The following LNX2 variants were observed in gnomAD, a reference collection of about 807,000 sequenced individuals.
The protein encoded by LNX2 is ligand of Numb protein X 2.
Under a neutral mutation model 66.2 loss-of-function variants are expected in LNX2, and 35 were observed. The observed-to-expected ratio is 0.53, with a 90% CI of 0.40 to 0.70. The LOEUF (loss-of-function observed/expected upper bound fraction) is 0.70. Ranked by LOEUF, LNX2 falls within the 30% of genes least tolerant of loss-of-function variation. LNX2 has a pLI of 0.00. For synonymous variants in LNX2, 337 were observed against 315.6 expected (o/e 1.07, Z -0.72); for missense variants, 791 against 850.8 (o/e 0.93, Z 0.87).
intron 6 of LNX2, among the ~76,000 whole-genome samples, chr13:27,558,628 A>T (rs1955092027): frequency 1.3e-5 from 2 of 152,106 alleles, no homozygotes; most frequent in Non-Finnish European, 2.9e-5. Context: ...TAAAGCAAGG[A>T]CTAGCTATAT....
Position 27,548,097 on chromosome 13 carries a change from T to C in LNX2, c.*238A>G, listed in dbSNP as rs779753649. The stretch of plus-strand genomic sequence containing the variant: ...TAGGTAACATTTTAACAACTAAGTC[T>C]GAATTCTGAAAATATAAACTCACAA... On this transcript the variant is annotated 3_prime_UTR_variant, in exon 10 of 10. Transcript: ENST00000316334. 72 of 473,676 alleles carry C rather than the reference T, an allele frequency of 1.5e-4. 1 individual carries two copies. The highest frequency in any genetic ancestry group is 2.4e-4 in the Non-Finnish European group (65 of 266,782). 29.3% of individuals were successfully genotyped at this position (473,676 alleles called of 1,614,324 possible).
intron 2 of LNX2, among the ~76,000 whole-genome samples, chr13:27,580,240 G>T (rs943189685): frequency 6.6e-6 from 1 of 152,046 alleles, no homozygotes; most frequent in African/African-American, 2.4e-5. Context: ...GAACAGTAAA[G>T]CTTGAGTCTA....
At chr13:27,587,541 T>G (rs935102911) in intron 1 of LNX2, among the ~76,000 whole-genome samples, 1 of 152,176 alleles carries the variant, frequency 6.6e-6, no homozygotes, top group African/African-American at 2.4e-5. Context: ...TATTGTGCAT[T>G]TGTGGCACTT....
intron 3 of LNX2, 31 bp from the exon 4 acceptor site, chr13:27,567,870 C>T (rs749896870): frequency 1.3e-6 from 2 of 1,579,184 alleles, no homozygotes; most frequent in Admixed American, 3.3e-5. Context: ...CAGACAAAAA[C>T]AGATGTTAAA....
intron 6 of LNX2, among the ~76,000 whole-genome samples, chr13:27,559,143 T>A (rs1264185701): frequency 6.6e-6 from 1 of 152,130 alleles, no homozygotes; most frequent in Non-Finnish European, 1.5e-5. Flanking sequence ...AATGCTAAAG[T>A]ATCATCCTTT....
At chr13:27,592,117 G>A (rs1955551476) in intron 1 of LNX2, among the ~76,000 whole-genome samples, 1 of 152,130 alleles carries the variant, frequency 6.6e-6, no homozygotes, top group Non-Finnish European at 1.5e-5. Context: ...AAAAACTTTG[G>A]TTTTTACTCT....
At chr13:27,567,603 A>G (rs1955222370) in intron 4 of LNX2, 37 bp downstream of exon 4, 1 of 1,580,446 alleles carries the variant, frequency 6.3e-7, no homozygotes. Context: ...GAATGGAACA[A>G]AAAGGCACAA....
chr13:27,551,514 A>C (rs1327985606), intron 8 of LNX2, among the ~76,000 whole-genome samples: 3 of 151,882 alleles, frequency 2.0e-5, no homozygotes, highest in South Asian at 2.1e-4. Flanking sequence ...GGAAAAAAAA[A>C]CTCTTCATAA....
chr13:27,556,923 G>A (rs1955068403), intron 6 of LNX2, among the ~76,000 whole-genome samples: 1 of 152,160 alleles, frequency 6.6e-6, no homozygotes, highest in Non-Finnish European at 1.5e-5. Flanking sequence ...TCATGAAGAA[G>A]ATGCAAATCT....
At chr13:27,586,844 T>C (rs1955492500) in intron 1 of LNX2, among the ~76,000 whole-genome samples, 1 of 152,208 alleles carries the variant, frequency 6.6e-6, no homozygotes, top group Admixed American at 6.5e-5. Context: ...GGCGGGATTA[T>C]TACAACACAT....
intron 4 of LNX2, 27 bp from the exon 5 acceptor site, chr13:27,562,808 T>C (rs1955153605): frequency 1.3e-6 from 2 of 1,579,098 alleles, no homozygotes; most frequent in South Asian, 1.2e-5. Flanking sequence ...GTGACCGAAG[T>C]GTGACAACCT....
At chr13:27,588,007 C>A (rs547635117) in intron 1 of LNX2, among the ~76,000 whole-genome samples, 1 of 111,764 alleles carries the variant, frequency 8.9e-6, no homozygotes, top group African/African-American at 3.6e-5. Context: ...GGCAAGAGTG[C>A]GAGACTCTTG....
At chr13:27,588,557 C>A (rs549327804) in intron 1 of LNX2, among the ~76,000 whole-genome samples, 1 of 152,126 alleles carries the variant, frequency 6.6e-6, no homozygotes, top group African/African-American at 2.4e-5. Flanking sequence ...TATGTGACAA[C>A]GGAAATTGTA....
chr13:27,588,739 TC>T (rs1955519489), intron 1 of LNX2, among the ~76,000 whole-genome samples: 1 of 152,086 alleles, frequency 6.6e-6, no homozygotes, highest in Admixed American at 6.5e-5. Context: ...TTACTGAAGC[TC>T]CCAAACAGCT....
chr13:27,590,531 G>GT (rs987446580), intron 1 of LNX2, among the ~76,000 whole-genome samples: 137 of 146,852 alleles, frequency 9.3e-4, no homozygotes, highest in Middle Eastern at 7.1e-3. Flanking sequence ...CCCCAGCCCG[G>GT]TTTTTTTTTT....
intron 1 of LNX2, among the ~76,000 whole-genome samples, chr13:27,597,198 AACGGC>A (rs1243241624): frequency 6.6e-6 from 1 of 152,170 alleles, no homozygotes; most frequent in Non-Finnish European, 1.5e-5. Context: ...TCACAATAAA[AACGGC>A]ACTCAATATT....
At chr13:27,589,566 AC>A (rs1955526602) in intron 1 of LNX2, among the ~76,000 whole-genome samples, 1 of 151,768 alleles carries the variant, frequency 6.6e-6, no homozygotes. Flanking sequence ...AAAATTTTAA[AC>A]CCCCTTCACC....
intron 1 of LNX2, among the ~76,000 whole-genome samples, chr13:27,612,182 A>C (rs899497737): frequency 6.6e-6 from 1 of 152,208 alleles, no homozygotes; most frequent in Non-Finnish European, 1.5e-5. Context: ...GTTGGATAAA[A>C]GGGTTTGTAA....
In LNX2 at chr13:27,569,101, C is replaced by G; in HGVS notation, c.583G>C (p.Ala195Pro). The G allele has an allele frequency of 6.2e-7, 1 of 1,613,332 alleles. No individual in the cohort carries two copies. ...TCCTCACTCCATGTGGAAAGAGACG[C>G]TGATGTCAAGTGCCGCTCCACAGGC... ...AVPVERHLTSASLSTWSEEPG... is the reference protein window; with the variant it reads ...AVPVERHLTSPSLSTWSEEPG... Residue 195 changes from alanine to proline, a missense_variant, in exon 3 of 10, where the codon GCG becomes CCG. Coordinates refer to ENST00000316334, the MANE Select transcript of LNX2 (RefSeq NM_153371.4).
Sources: allele counts gnomAD v4.1 joint callset (sites outside exome capture counted in the v4.1 genomes callset), GRCh38; gene constraint gnomAD v4.1.1; transcripts MANE v1.5; gene names NCBI Gene and HGNC (gene_info 2026-07-23, HGNC 2026-07-21).